Variants in TSHZ3 observed in about 807,000 individuals in gnomAD.
TSHZ3 encodes teashirt homolog 3.
Under a neutral mutation model 64.5 loss-of-function variants are expected in TSHZ3, and 10 were observed. That is an observed-to-expected ratio of 0.16 (90% confidence interval 0.10 to 0.26). TSHZ3 has a LOEUF of 0.26. Ranked by LOEUF, TSHZ3 falls within the 10% of genes least tolerant of loss-of-function variation. The pLI, the probability that TSHZ3 is intolerant of heterozygous loss-of-function variation, is 1.00. For synonymous variants in TSHZ3, 608 were observed against 593.1 expected (o/e 1.03, Z -0.36); for missense variants, 1,242 against 1,421.7 (o/e 0.87, Z 2.03).
At position 31,295,722 on chromosome 19, in the gene TSHZ3, C is replaced by T. The variant is rs999797536; in HGVS notation, c.41-15970G>A. ...TCACCTGGGGAAAATTCCACCTACA[C>T]TTATATTCGTATGCTGGCCTTTTTG... On this transcript the variant is annotated intron_variant, in intron 1 of 1. Coordinates refer to ENST00000240587, the MANE Select transcript of TSHZ3 (RefSeq NM_020856.4). Among the ~76,000 whole-genome samples the T allele has an allele frequency of 4.6e-5, 7 of 151,918 alleles. No homozygotes were observed. The East Asian group carries it at 1.2e-3, about 25-fold the overall frequency.
At chr19:31,348,878 G>A (rs1379391016) in intron 1 of TSHZ3, 2 of 350,990 alleles carry the variant, frequency 5.7e-6, no homozygotes, top group East Asian at 8.7e-5. Context: ...GCCAGGCCGG[G>A]GTTGCTTCCC....
chr19:31,242,696 C>G (rs1346653052), intron 2 of TSHZ3, among the ~76,000 whole-genome samples: 1 of 151,524 alleles, frequency 6.6e-6, no homozygotes, highest in Non-Finnish European at 1.5e-5. Flanking sequence ...TGTCTGAGGT[C>G]TAGGAGAGAT....
chr19:31,310,845 A>T (rs867380135), intron 1 of TSHZ3, among the ~76,000 whole-genome samples: 6 of 152,374 alleles, frequency 3.9e-5, no homozygotes, highest in Middle Eastern at 3.4e-3. Context: ...GGCATGTGGC[A>T]AGCATTCAGT....
chr19:31,181,689 C>A (rs1156647833), intron 5 of TSHZ3, among the ~76,000 whole-genome samples: 1 of 152,154 alleles, frequency 6.6e-6, no homozygotes, highest in Non-Finnish European at 1.5e-5. Flanking sequence ...AGAAGAAATG[C>A]AACAAGGAAG....
Position 31,278,750 on chromosome 19 carries a change from G to C in TSHZ3, c.1043C>G (p.Thr348Ser). 6.2e-7 allele frequency: 1 copy of C among 1,614,190 alleles called. No individual in the cohort carries two copies. Among genetic ancestry groups the C allele is most frequent in the East Asian group, 2.2e-5 (1 of 44,866 alleles). The change falls in exon 2 of 2, where the codon ACC (threonine) becomes AGC (serine). Residue 348 changes from threonine (T) to serine (S), a missense_variant. Physicochemically the swap from Thr to Ser is moderately conservative, Grantham distance 58. Coordinates refer to ENST00000240587, the MANE Select transcript of TSHZ3 (RefSeq NM_020856.4). The surrounding 1 kb of genome is among the most constrained non-coding windows in gnomAD (Gnocchi z 4.7). The stretch of plus-strand genomic sequence containing the variant: ...GGAGTTCTTCTGAAGTGCATCGTTG[G>C]TGTCTGAGATGGTGGCTTTGGGGGT... ...GGTPKATISD[T>S]NDALQKNSNP...
intron 5 of TSHZ3, among the ~76,000 whole-genome samples, chr19:31,192,487 T>C (rs1336476579): frequency 2.0e-5 from 3 of 152,252 alleles, no homozygotes; most frequent in Non-Finnish European, 4.4e-5. Context: ...TGGACATTAG[T>C]GCATGATTTG....
At position 31,276,988 on chromosome 19, in the gene TSHZ3, G is replaced by C; in HGVS notation, c.2805C>G (p.Ile935Met). 6.2e-7 allele frequency: 1 copy of C among 1,613,516 alleles called. No individual in the cohort carries two copies. The highest frequency in any genetic ancestry group is 8.5e-7 in the Non-Finnish European group (1 of 1,179,476). The change falls in exon 2 of 2, where the codon ATC becomes ATG. Residue 935 changes from isoleucine (I) to methionine (M), a missense_variant. Around this residue, in one of 4 missense-constraint regions of TSHZ3, gnomAD observed 550 missense variants for 545.1 expected, o/e 1.01. Transcript: ENST00000240587. ...TCATGGACAGCCCGGTGAACCTGGA[G>C]ATATGCATCCGCTCCTGGGGGCTCA... ...SDLSPQERMH[I>M]SRFTGLSMTT...
chr19:31,235,656 C>T (rs1204194070), intron 3 of TSHZ3, among the ~76,000 whole-genome samples: 12 of 91,518 alleles, frequency 1.3e-4, no homozygotes, highest in South Asian at 3.3e-4. Context: ...CTTTCTATTT[C>T]TTTCTATTTC....
chr19:31,182,982 G>A (rs1482416120), intron 5 of TSHZ3, among the ~76,000 whole-genome samples: 3 of 152,134 alleles, frequency 2.0e-5, no homozygotes, highest in African/African-American at 7.2e-5. Flanking sequence ...TCCATAATGT[G>A]GGTGGGCCTC....
Position 31,249,222 on chromosome 19 carries a change from T to A in TSHZ3, n.64-6347A>T, listed in dbSNP as rs377345919. 7.2e-5 allele frequency among the ~76,000 whole-genome samples: 11 copies of A among 152,326 alleles called. No homozygotes were observed. In the East Asian group the frequency reaches 2.1e-3, roughly 29 times the overall value. ...ATTGAATAAAGTTCCAGGGCTCCAG[T>A]GATCTGTCAATGCTGCACCTGCAGC... On this transcript the variant is annotated intron_variant and non_coding_transcript_variant, in intron 1 of 6. Coordinates refer to the TSHZ3 transcript ENST00000651361.
chr19:31,304,340 G>A (rs1392558873), intron 1 of TSHZ3, among the ~76,000 whole-genome samples: 1 of 152,144 alleles, frequency 6.6e-6, no homozygotes, highest in Non-Finnish European at 1.5e-5. Context: ...CAAGGGGACT[G>A]GGCAAGCAGG....
chr19:31,187,495 C>T (rs1310649615), intron 5 of TSHZ3, among the ~76,000 whole-genome samples: 2 of 151,812 alleles, frequency 1.3e-5, no homozygotes, highest in Admixed American at 6.6e-5. Flanking sequence ...TTACATATAA[C>T]ACATTTGGCC....
intron 1 of TSHZ3, among the ~76,000 whole-genome samples, chr19:31,267,779 G>T (rs1306486238): frequency 6.6e-6 from 1 of 152,160 alleles, no homozygotes; most frequent in South Asian, 2.1e-4. Flanking sequence ...CTTCTCCTTT[G>T]GGATCATTGC....
chr19:31,167,076 T>G, intron 5 of TSHZ3, among the ~76,000 whole-genome samples: 1 of 152,120 alleles, frequency 6.6e-6, no homozygotes. Context: ...CAACAGAAGT[T>G]ATGCTACAGG....
intron 1 of TSHZ3, among the ~76,000 whole-genome samples, chr19:31,266,465 C>G (rs138464638): frequency 1.1e-4 from 16 of 152,232 alleles, no homozygotes; most frequent in Admixed American, 2.6e-4. Flanking sequence ...CCTGAGGAAT[C>G]TGAGAAGTTC....
At chr19:31,157,342 T>C (rs1974318056) in intron 5 of TSHZ3, among the ~76,000 whole-genome samples, 1 of 152,202 alleles carries the variant, frequency 6.6e-6, no homozygotes, top group South Asian at 2.1e-4. Context: ...AGCCAAATCT[T>C]GTCTGTCTCC....
intron 5 of TSHZ3, among the ~76,000 whole-genome samples, chr19:31,163,054 G>T (rs1353163334): frequency 6.6e-6 from 1 of 152,210 alleles, no homozygotes; most frequent in Non-Finnish European, 1.5e-5. Context: ...CAAGCCTTGG[G>T]ACATGAAGCT....
At chr19:31,175,188 G>C (rs928983129) in intron 5 of TSHZ3, among the ~76,000 whole-genome samples, 9 of 152,168 alleles carry the variant, frequency 5.9e-5, no homozygotes, top group Non-Finnish European at 1.2e-4. Flanking sequence ...ATAGACACAG[G>C]TCAGTTTCCT....
At chr19:31,303,749 G>A (rs969434393) in intron 1 of TSHZ3, among the ~76,000 whole-genome samples, 3 of 152,174 alleles carry the variant, frequency 2.0e-5, no homozygotes, top group Non-Finnish European at 2.9e-5. Context: ...GATGGCACCC[G>A]CTGGCTGCAC....
Sources: allele counts gnomAD v4.1 joint callset (sites outside exome capture counted in the v4.1 genomes callset), GRCh38; gene constraint gnomAD v4.1.1; regional missense constraint gnomAD v4.1.1; non-coding constraint Gnocchi (gnomAD v3.1); transcripts MANE v1.5; gene names NCBI Gene and HGNC (gene_info 2026-07-23, HGNC 2026-07-21).